ARHGAP8: variants seen among roughly 807,000 people sequenced by gnomAD.
ARHGAP8 encodes the protein Rho GTPase activating protein 8, also known as rho GTPase-activating protein 8.
A neutral mutation model predicts 46.1 loss-of-function variants in ARHGAP8; 62 were observed. That is an observed-to-expected ratio of 1.34 (90% CI 1.10 to 1.66). The LOEUF (loss-of-function observed/expected upper bound fraction) is 1.66. Ranked by LOEUF, ARHGAP8 falls within the 40% of genes most tolerant of loss-of-function variation. ARHGAP8 has a pLI of 0.00. For synonymous variants in ARHGAP8, 375 were observed against 243.1 expected, an observed-to-expected ratio of 1.54 and a Z score of -5.05; for missense variants, 923 against 568.4, an observed-to-expected ratio of 1.62 and a Z score of -6.34.
chr22:44,820,506 C>A (rs1198661536), intron 5 of ARHGAP8, among the ~76,000 whole-genome samples: 2 of 152,204 alleles, frequency 1.3e-5, no homozygotes, highest in African/African-American at 4.8e-5. Context: ...AGAGACCAGA[C>A]TGTCCCCGAG....
intron 1 of ARHGAP8, among the ~76,000 whole-genome samples, chr22:44,761,336 G>A (rs73173678): frequency 0.011 from 1,690 of 152,202 alleles, 10 homozygotes; most frequent in Non-Finnish European, 0.017. Context: ...AACCAACCGC[G>A]GATTTAGTGT....
At chr22:44,787,993 T>C (rs903881020) in intron 2 of ARHGAP8, among the ~76,000 whole-genome samples, 1 of 146,564 alleles carries the variant, frequency 6.8e-6, no homozygotes, top group African/African-American at 2.5e-5. Context: ...GAGGGAACAC[T>C]GGACCGAGTG....
chr22:44,834,926 T>C (rs1157429569), intron 7 of ARHGAP8, among the ~76,000 whole-genome samples: 1 of 152,170 alleles, frequency 6.6e-6, no homozygotes, highest in African/African-American at 2.4e-5. Context: ...CCATTATAGC[T>C]CTTTTTAGTT....
At chr22:44,819,258 G>C (rs890326213) in intron 5 of ARHGAP8, among the ~76,000 whole-genome samples, 9 of 152,116 alleles carry the variant, frequency 5.9e-5, no homozygotes, top group Admixed American at 1.3e-4. Context: ...GTAGAGACAG[G>C]GTTTTGCCAT....
intron 1 of ARHGAP8, among the ~76,000 whole-genome samples, chr22:44,776,389 T>C (rs1167517689): frequency 6.6e-6 from 1 of 151,904 alleles, no homozygotes; most frequent in Non-Finnish European, 1.5e-5. Context: ...GAGGCGGACA[T>C]TGCAGTGAGC....
chr22:44,790,474 G>A (rs900634244), intron 2 of ARHGAP8, among the ~76,000 whole-genome samples: 3 of 151,794 alleles, frequency 2.0e-5, no homozygotes, highest in South Asian at 2.1e-4. Context: ...TCAGAAGTTC[G>A]AGACCAGCCT....
intron 3 of ARHGAP8, among the ~76,000 whole-genome samples, chr22:44,805,379 A>G (rs1203738893): frequency 6.6e-6 from 1 of 152,224 alleles, no homozygotes; most frequent in Non-Finnish European, 1.5e-5. Context: ...AGCTGTAGAG[A>G]GGGGGTAATT....
chr22:44,836,670 G>A (rs779027047), intron 7 of ARHGAP8, among the ~76,000 whole-genome samples: 1 of 151,692 alleles, frequency 6.6e-6, no homozygotes, highest in East Asian at 2.0e-4. Flanking sequence ...AACTTTGCAG[G>A]TCAGTGGTGC....
At chr22:44,809,395 T>G in intron 4 of ARHGAP8, 1 of 356,708 alleles carries the variant, frequency 2.8e-6, no homozygotes, top group Admixed American at 3.7e-5. Flanking sequence ...CCTGGTCCAG[T>G]GAATTACTGG....
chr22:44,809,580 T>C (rs993188721), intron 4 of ARHGAP8: 3 of 207,400 alleles, frequency 1.4e-5, no homozygotes, highest in Non-Finnish European at 3.0e-5. Flanking sequence ...ACTCAGCTTG[T>C]GTGTGGTAGG....
intron 1 of ARHGAP8, chr22:44,786,138 G>A (rs1927201480): frequency 4.8e-5 from 22 of 461,006 alleles, no homozygotes; most frequent in South Asian, 3.6e-4. Flanking sequence ...GAGGTAGGTC[G>A]CATAGTGGGT....
At chr22:44,791,724 A>G (rs1396142333) in intron 2 of ARHGAP8, among the ~76,000 whole-genome samples, 1 of 152,036 alleles carries the variant, frequency 6.6e-6, no homozygotes, top group Non-Finnish European at 1.5e-5. Context: ...ACAAACAAAA[A>G]TACCCCCAGC....
At chr22:44,823,335 G>A (rs1021148632) in intron 6 of ARHGAP8, among the ~76,000 whole-genome samples, 11 of 152,256 alleles carry the variant, frequency 7.2e-5, no homozygotes, top group Non-Finnish European at 1.6e-4. Context: ...TCTAGGAGGA[G>A]GTAGCTCTTA....
At position 44,775,293 on chromosome 22, in the gene ARHGAP8, C is replaced by T. The variant is rs541640247; in HGVS notation, c.-71-11164C>T. Reference sequence around the variant, plus strand: ...TGGGCCTATGGGTCAGCAGAGATGGCGAGAGTCTGGCTGCCTGGATATCAG... The same window carrying T: ...TGGGCCTATGGGTCAGCAGAGATGGTGAGAGTCTGGCTGCCTGGATATCAG... On this transcript the variant is annotated intron_variant, in intron 1 of 11. Transcript: ENST00000356099. Among the ~76,000 whole-genome samples, 308 of 152,280 alleles carry T rather than the reference C, an allele frequency of 2.0e-3. 3 individuals are homozygous for T. The highest frequency in any genetic ancestry group is 6.9e-3 in the African/African-American group (285 of 41,556).
chr22:44,859,795 C>T lies in ARHGAP8; in HGVS notation c.942C>T (p.Asn314=). 2 of 1,614,078 alleles carry T rather than the reference C, an allele frequency of 1.2e-6. No homozygotes were observed. The highest frequency in any genetic ancestry group is 1.7e-6 in the Non-Finnish European group (2 of 1,180,028). Residue 314 remains asparagine, a synonymous_variant, in exon 11 of 12, where the codon AAC becomes AAT. Coordinates refer to ENST00000356099, the MANE Select transcript of ARHGAP8 (RefSeq NM_181335.3). ...RQILRSLPEH[N]YVVLRYLMGF... is the part of the protein sequence containing the mutation. ...TCTTACGGAGCCTCCCAGAGCACAACTACGTCGTCCTCCGCTACCTCATGG... is the reference window on the plus strand; with the variant it reads ...TCTTACGGAGCCTCCCAGAGCACAATTACGTCGTCCTCCGCTACCTCATGG...
chr22:44,772,979 C>T (rs563594801), intron 1 of ARHGAP8, among the ~76,000 whole-genome samples: 2 of 151,964 alleles, frequency 1.3e-5, no homozygotes, highest in Non-Finnish European at 2.9e-5. Flanking sequence ...CTACCATGCC[C>T]AGCTAATCTT....
intron 10 of ARHGAP8, among the ~76,000 whole-genome samples, chr22:44,855,969 G>C (rs1429496622): frequency 1.6e-4 from 24 of 152,198 alleles, no homozygotes; most frequent in Admixed American, 1.6e-3. Flanking sequence ...ATGACGGAGG[G>C]CAAAGGAGGA....
rs562764065 is a variant in ARHGAP8 at position 44,843,718 on chromosome 22, G to A, written c.597-1551G>A. On this transcript the variant is annotated intron_variant, in intron 7 of 11. Transcript: ENST00000356099. ...CACATGCCTGTAGCCCCAGCTACTT[G>A]GGAGGCTAAGGTGAAAGTATTGCTT... Among the ~76,000 whole-genome samples the A allele has an allele frequency of 1.4e-4, 22 of 152,026 alleles. No individual in the cohort carries two copies. The South Asian group carries it at 4.4e-3, about 30-fold the overall frequency.
chr22:44,789,962 T>C (rs908219836), intron 2 of ARHGAP8, among the ~76,000 whole-genome samples: 1 of 152,196 alleles, frequency 6.6e-6, no homozygotes, highest in Non-Finnish European at 1.5e-5. Flanking sequence ...GCACAGAAAG[T>C]GCATCTGTTA....
Sources: gnomAD v4.1 joint callset for allele counts (sites outside exome capture counted in the v4.1 genomes callset) on GRCh38, gnomAD v4.1.1 for gene constraint, MANE v1.5 for transcripts, NCBI Gene and HGNC (gene_info 2026-07-23, HGNC 2026-07-21) for gene names.